Variants in DNAH3 observed in about 807,000 individuals in gnomAD.
DNAH3 encodes dynein axonemal heavy chain 3.
Under a neutral mutation model 432.5 loss-of-function variants are expected in DNAH3, and 332 were observed. The observed-to-expected ratio is 0.77, with a 90% confidence interval of 0.70 to 0.84. DNAH3 has a LOEUF of 0.84. DNAH3 is among the 40% of genes least tolerant of loss of function. The pLI is 0.00. For synonymous variants in DNAH3, 1,956 were observed against 1,900.2 expected, an observed-to-expected ratio of 1.03 and a Z score of -0.76; for missense variants, 4,861 against 5,114.0, an observed-to-expected ratio of 0.95 and a Z score of 1.51.
chr16:21,056,333 A>C (rs2090130542), intron 27 of DNAH3, among the ~76,000 whole-genome samples: 1 of 149,232 alleles, frequency 6.7e-6, no homozygotes, highest in African/African-American at 2.5e-5. Flanking sequence ...CCCAATCCTA[A>C]CTTCCCTCCC....
rs2089887296 is a variant in DNAH3 at position 21,050,029 on chromosome 16, G to C, written c.4239-11C>G. On this transcript the variant is annotated splice_polypyrimidine_tract_variant and intron_variant, in intron 29 of 61. Coordinates refer to ENST00000261383, the Ensembl canonical transcript of DNAH3. ...GCTCCCATCAGTGTCCTATGGGGAA[G>C]AAAATAGAACTTCAGTGCTTGAGGT... The C allele has an allele frequency of 1.9e-6, 3 of 1,596,158 alleles. No individual in the cohort carries two copies. The highest frequency in any genetic ancestry group is 1.7e-5 in the Admixed American group (1 of 59,290).
At chr16:21,064,143 C>T (rs1049352460) in intron 24 of DNAH3, among the ~76,000 whole-genome samples, 4 of 152,206 alleles carry the variant, frequency 2.6e-5, no homozygotes, top group Non-Finnish European at 2.9e-5. Flanking sequence ...GAACATGAGT[C>T]TGTGCACGTT....
intron 21 of DNAH3, among the ~76,000 whole-genome samples, chr16:21,072,539 T>G (rs1326776919): frequency 6.6e-6 from 1 of 151,878 alleles, no homozygotes; most frequent in Non-Finnish European, 1.5e-5. Context: ...GTTGGCAAGG[T>G]TAGTCTCAAA....
chr16:21,075,558 C>G, exon 21 of DNAH3: 1 of 1,611,820 alleles, frequency 6.2e-7, no homozygotes. Context: ...CAATGGGCTC[C>G]AATCTAAAGA....
intron 21 of DNAH3, among the ~76,000 whole-genome samples, chr16:21,074,429 T>C (rs1254592222): frequency 6.6e-6 from 1 of 152,064 alleles, no homozygotes; most frequent in Non-Finnish European, 1.5e-5. Context: ...GAATCAATGG[T>C]TGGGCCTGGC....
exon 53 of DNAH3, chr16:20,964,530 C>T (rs747689443): frequency 1.8e-5 from 29 of 1,614,038 alleles, no homozygotes; most frequent in African/African-American, 2.7e-5. Flanking sequence ...CTAACTGCAG[C>T]GCGTTTTCCA....
Position 20,985,305 on chromosome 16 carries a change from C to G in DNAH3, c.7437G>C (p.Gln2479His), listed in dbSNP as rs140717539. Residue 2479 changes from glutamine (Q) to histidine (H), a missense_variant, in exon 48 of 62, where the codon CAG (glutamine) becomes CAC (histidine). Coordinates refer to ENST00000261383, the Ensembl canonical transcript of DNAH3. ...CGGTGCTCTTGGTGGCCACACCGAC[C>G]TGCAGTATGATCTTCTTAAGATCTT... is the stretch of plus-strand genomic sequence containing the variant. 55 of 1,614,180 alleles carry G rather than the reference C, an allele frequency of 3.4e-5. No homozygotes were observed. The African/African-American group carries it at 6.8e-4, about 20-fold the overall frequency.
intron 20 of DNAH3, among the ~76,000 whole-genome samples, chr16:21,077,417 C>A (rs1483577359): frequency 6.6e-6 from 1 of 152,182 alleles, no homozygotes; most frequent in African/African-American, 2.4e-5. Flanking sequence ...CCCGCCTCGG[C>A]CTCCCAAAGT....
chr16:21,057,273 C>A (rs2152748422), intron 27 of DNAH3, among the ~76,000 whole-genome samples: 1 of 152,226 alleles, frequency 6.6e-6, no homozygotes. Flanking sequence ...AGTTTAAAAA[C>A]AAACAAACAA....
intron 39 of DNAH3, among the ~76,000 whole-genome samples, chr16:21,023,786 G>GGGGTGT (rs1555530933): frequency 2.9e-4 from 43 of 146,482 alleles, no homozygotes; most frequent in South Asian, 1.6e-3. Flanking sequence ...CAGCTTTTGG[G>GGGGTGT]GTGTGTGTGT....
intron 1 of DNAH3, among the ~76,000 whole-genome samples, chr16:21,154,265 C>T (rs1240554772): frequency 1.3e-5 from 2 of 152,150 alleles, no homozygotes; most frequent in South Asian, 2.1e-4. Context: ...ATTAGCCGGG[C>T]GTGGTGGCAG....
At chr16:21,042,001 C>A (rs778732477) in intron 32 of DNAH3, 26 bp downstream of exon 32, 2 of 1,613,224 alleles carry the variant, frequency 1.2e-6, no homozygotes, top group South Asian at 2.2e-5. Flanking sequence ...AAAGCACACC[C>A]CACATGTATA....
chr16:21,133,968 G>C (rs1434202378), intron 7 of DNAH3, among the ~76,000 whole-genome samples: 1 of 152,216 alleles, frequency 6.6e-6, no homozygotes, highest in Non-Finnish European at 1.5e-5. Context: ...CTGTAAAGCA[G>C]CAGAGCTAGG....
At chr16:21,082,212 A>G (rs1401268259) in intron 19 of DNAH3, among the ~76,000 whole-genome samples, 2 of 151,688 alleles carry the variant, frequency 1.3e-5, no homozygotes, top group Non-Finnish European at 2.9e-5. Flanking sequence ...TTTTAATTAG[A>G]CAGGGTCCTG....
intron 59 of DNAH3, 113 bp from the exon 60 acceptor site, chr16:20,936,966 A>G: frequency 2.5e-6 from 2 of 800,062 alleles, no homozygotes; most frequent in Middle Eastern, 3.8e-4. Context: ...CAGTCATTAA[A>G]TGAGGAAAAA....
At chr16:21,124,986 A>G (rs2092418228) in intron 9 of DNAH3, among the ~76,000 whole-genome samples, 189 bp downstream of exon 10, 3 of 152,164 alleles carry the variant, frequency 2.0e-5, no homozygotes, top group Admixed American at 2.0e-4. Flanking sequence ...TGTTGGGAAC[A>G]TTCAATATCC....
intron 6 of DNAH3, 64 bp from the exon 8 acceptor site, chr16:21,134,518 T>A: frequency 6.8e-7 from 1 of 1,473,126 alleles, no homozygotes; most frequent in Non-Finnish European, 9.2e-7. Flanking sequence ...TAGCTTCAAC[T>A]CATTTAGTTT....
At chr16:21,063,621 C>T (rs2090443295) in intron 24 of DNAH3, among the ~76,000 whole-genome samples, 1 of 151,752 alleles carries the variant, frequency 6.6e-6, no homozygotes, top group Non-Finnish European at 1.5e-5. Context: ...TGGCTCACTA[C>T]AGCCTTGACC....
At chr16:20,944,578 T>A (rs1297996431) in exon 58 of DNAH3, 1 of 1,614,092 alleles carries the variant, frequency 6.2e-7, no homozygotes, top group East Asian at 2.2e-5. Flanking sequence ...TTCCTGGTTG[T>A]CTTTGGTGAT....
Sources: allele counts gnomAD v4.1 joint callset (sites outside exome capture counted in the v4.1 genomes callset), GRCh38; gene constraint gnomAD v4.1.1; transcripts MANE v1.5; gene names NCBI Gene and HGNC (gene_info 2026-07-23, HGNC 2026-07-21).